SETX: variants seen among roughly 807,000 people sequenced by gnomAD.
SETX encodes the protein senataxin, also known as helicase senataxin.
In SETX, 90 loss-of-function variants were observed where a neutral mutation model predicts 227.2. The observed-to-expected ratio is 0.40, with a 90% CI of 0.33 to 0.47. The LOEUF (loss-of-function observed/expected upper bound fraction) is 0.47. SETX is among the 20% of genes least tolerant of loss of function. The probability of loss-of-function intolerance (pLI) is 0.91; values close to 1 mark genes in which losing one functional copy is unlikely to be tolerated. For missense variants in SETX, 3,052 were observed against 3,181.5 expected, an observed-to-expected ratio of 0.96 and a Z score of 0.98; for synonymous variants, 1,210 against 1,113.2, an observed-to-expected ratio of 1.09 and a Z score of -1.73.
intron 21 of SETX, 24 bp downstream of exon 21, chr9:132,278,046 T>G: frequency 6.2e-7 from 1 of 1,602,634 alleles, no homozygotes; most frequent in Non-Finnish European, 8.5e-7. Flanking sequence ...CAAAATAAGG[T>G]CACAAACAAT....
chr9:132,329,175 G>C lies in SETX; in HGVS notation c.2423C>G (p.Thr808Ser). ...AGTCAAATTTTCATCTAAATTGATA[G>C]TATTATCGACCAAAGTACTCTTCCT... ...QHRKSTLVDN[T>S]INLDENLTVS... The change falls in exon 10 of 26, where the codon ACT (threonine) becomes AGT (serine). Residue 808 changes from threonine (T) to serine (S), a missense_variant. By Grantham distance (58) the Thr-to-Ser change is moderately conservative (BLOSUM62 1). Coordinates refer to ENST00000224140, the MANE Select transcript of SETX (RefSeq NM_015046.7). The C allele has an allele frequency of 1.9e-6, 3 of 1,612,920 alleles. No individual in the cohort carries two copies. Among genetic ancestry groups the C allele is most frequent in the Non-Finnish European group, 2.5e-6 (3 of 1,179,800 alleles).
intron 22 of SETX, among the ~76,000 whole-genome samples, chr9:132,275,747 G>A (rs540585412): frequency 6.6e-6 from 1 of 152,338 alleles, no homozygotes; most frequent in Admixed American, 6.5e-5. Flanking sequence ...GCAGTATTAA[G>A]AACAGCAGTA....
At chr9:132,318,419 T>G (rs1455433104) in intron 10 of SETX, among the ~76,000 whole-genome samples, 1 of 152,118 alleles carries the variant, frequency 6.6e-6, no homozygotes, top group Non-Finnish European at 1.5e-5. Flanking sequence ...GAATTCATAC[T>G]CCCCAGGGAG....
chr9:132,308,963 C>T (rs1845489713), intron 11 of SETX, among the ~76,000 whole-genome samples: 2 of 152,038 alleles, frequency 1.3e-5, no homozygotes, highest in Non-Finnish European at 2.9e-5. Flanking sequence ...ATAGGTGAAA[C>T]CCCGTCTCCA....
At chr9:132,311,736 G>A in intron 11 of SETX, 21 bp downstream of exon 11, 1 of 1,492,994 alleles carries the variant, frequency 6.7e-7, no homozygotes, top group Non-Finnish European at 9.3e-7. Context: ...TATATTCCAA[G>A]TTGCGTAAGA....
intron 5 of SETX, among the ~76,000 whole-genome samples, chr9:132,340,214 T>C (rs1847874992): frequency 1.3e-5 from 2 of 152,136 alleles, no homozygotes; most frequent in African/African-American, 4.8e-5. Context: ...TTTTTTTTAA[T>C]TATACTTTAA....
At chr9:132,280,796 G>A (rs758979034) in intron 20 of SETX, among the ~76,000 whole-genome samples, 19 of 152,056 alleles carry the variant, frequency 1.2e-4, no homozygotes, top group Admixed American at 6.6e-5. Context: ...ACTGGATCCT[G>A]ATTCTAATGT....
At chr9:132,317,083 T>C (rs1846013693) in intron 10 of SETX, among the ~76,000 whole-genome samples, 1 of 152,258 alleles carries the variant, frequency 6.6e-6, no homozygotes, top group Admixed American at 6.5e-5. Flanking sequence ...GCTCTCCATT[T>C]TGAACAAGAC....
At chr9:132,300,427 A>G (rs142791004) in intron 12 of SETX, among the ~76,000 whole-genome samples, 1 of 152,228 alleles carries the variant, frequency 6.6e-6, no homozygotes, top group East Asian at 1.9e-4. Context: ...AAAAGGATAG[A>G]ACATTACAAA....
At chr9:132,331,470 G>A (rs201735507) in intron 7 of SETX, 22 bp from the exon 8 acceptor site, 54 of 1,610,966 alleles carry the variant, frequency 3.4e-5, no homozygotes, top group Non-Finnish European at 4.3e-5. Context: ...TGGCACAATC[G>A]TTGAATTACT....
intron 24 of SETX, among the ~76,000 whole-genome samples, chr9:132,270,645 A>C (rs1360103123): frequency 2.6e-5 from 4 of 152,248 alleles, no homozygotes; most frequent in African/African-American, 9.6e-5. Context: ...GGATAAGATA[A>C]TTGGAAATTT....
At chr9:132,280,481 C>A (rs927610511) in intron 20 of SETX, among the ~76,000 whole-genome samples, 2 of 152,198 alleles carry the variant, frequency 1.3e-5, no homozygotes, top group African/African-American at 4.8e-5. Flanking sequence ...CTTCCCTACA[C>A]ACACGGGTTT....
chr9:132,340,524 A>C, intron 5 of SETX, among the ~76,000 whole-genome samples: 1 of 145,118 alleles, frequency 6.9e-6, no homozygotes. Context: ...TGAGTGATGG[A>C]TAAAATCCAA....
Position 132,326,864 on chromosome 9 carries a change from T to C in SETX, c.4734A>G (p.Val1578=). The part of the protein sequence containing the change: ...HSEVKAADED[V]FRKPGLPPPA... The stretch of plus-strand genomic sequence containing the variant: ...GAGGAGGCAAGCCAGGTTTACGAAA[T>C]ACATCTTCATCTGCTGCTTTCACTT... The change falls in exon 10 of 26, where the codon GTA becomes GTG. Residue 1578 remains valine, a synonymous_variant. Coordinates refer to ENST00000224140, the MANE Select transcript of SETX (RefSeq NM_015046.7). 1.9e-6 allele frequency: 3 copies of C among 1,614,210 alleles called. No homozygotes were observed. Among genetic ancestry groups the C allele is most frequent in the Non-Finnish European group, 8.5e-7 (1 of 1,180,040 alleles).
intron 11 of SETX, among the ~76,000 whole-genome samples, chr9:132,307,365 T>C (rs574714397): frequency 6.6e-6 from 1 of 152,108 alleles, no homozygotes; most frequent in Non-Finnish European, 1.5e-5. Flanking sequence ...TGGATATGCA[T>C]GGTTATCTTT....
In SETX at chr9:132,328,173, G is replaced by A; in HGVS notation, c.3425C>T (p.Thr1142Ile). ...KKGAEGIEEH[T>I]RPRSISVEEF... ...TTCAACAGAAATACTCCGTGGTCTTGTGTGTTCTTCAATGCCCTCTGCTCC... is the reference window on the plus strand; with the variant it reads ...TTCAACAGAAATACTCCGTGGTCTTATGTGTTCTTCAATGCCCTCTGCTCC... Residue 1142 changes from threonine (T) to isoleucine (I), a missense_variant, in exon 10 of 26, where the codon ACA (threonine) becomes ATA (isoleucine). Thr to Ile is a moderately conservative substitution (Grantham distance 89, BLOSUM62 -1). Around this residue, in one of 10 missense-constraint regions of SETX, gnomAD observed 1,483 missense variants for 1,312.0 expected, o/e 1.13. Transcript: ENST00000224140. 3 of 1,614,130 alleles carry A rather than the reference G, an allele frequency of 1.9e-6. No individual in the cohort carries two copies. Among genetic ancestry groups the A allele is most frequent in the Non-Finnish European group, 1.7e-6 (2 of 1,180,030 alleles).
chr9:132,291,223 A>G (rs1281857284), intron 15 of SETX, among the ~76,000 whole-genome samples: 3 of 135,806 alleles, frequency 2.2e-5, no homozygotes, highest in East Asian at 4.5e-4. Flanking sequence ...CTGGAGTGCA[A>G]TGGCGCAATC....
Position 132,328,847 on chromosome 9 carries a change from C to G in SETX, c.2751G>C (p.Met917Ile), listed in dbSNP as rs764590831. 2 of 1,613,886 alleles carry G rather than the reference C, an allele frequency of 1.2e-6. No homozygotes were observed. Among genetic ancestry groups the G allele is most frequent in the Admixed American group, 3.3e-5 (2 of 60,004 alleles). Residue 917 changes from methionine to isoleucine, a missense_variant, in exon 10 of 26, where the codon ATG (methionine) becomes ATC (isoleucine). This residue lies in a region of SETX where 1,483 missense variants were observed against 1,312.0 expected (regional missense o/e 1.13). Coordinates refer to ENST00000224140, the MANE Select transcript of SETX (RefSeq NM_015046.7). ...CCTCATCTCTTGATTCAGGTACAGTCATAAGATCTTTAAAGGGAGATGATT... is the reference window on the plus strand; with the variant it reads ...CCTCATCTCTTGATTCAGGTACAGTGATAAGATCTTTAAAGGGAGATGATT... ...EKKSSPFKDL[M>I]TVPESRDEEM... is the part of the protein sequence containing the mutation.
intron 25 of SETX, among the ~76,000 whole-genome samples, chr9:132,267,719 A>C (rs1307612245): frequency 1.3e-5 from 2 of 152,250 alleles, no homozygotes; most frequent in Admixed American, 6.5e-5. Flanking sequence ...ACAGTTGTGC[A>C]AGTGTGACCC....
Sources: allele counts gnomAD v4.1 joint callset (sites outside exome capture counted in the v4.1 genomes callset), GRCh38; gene constraint gnomAD v4.1.1; regional missense constraint gnomAD v4.1.1; transcripts MANE v1.5; gene names NCBI Gene and HGNC (gene_info 2026-07-23, HGNC 2026-07-21).